The following CTNND2 variants were observed in gnomAD, a reference collection of about 807,000 sequenced individuals.
CTNND2 encodes catenin delta 2.
Under a neutral mutation model 144.4 loss-of-function variants are expected in CTNND2, and 22 were observed. The observed-to-expected ratio is 0.15, with a 90% CI of 0.11 to 0.22. CTNND2 has a LOEUF of 0.22. Among genes scored for constraint, CTNND2 ranks in the 10% least tolerant of loss-of-function variants. CTNND2 has a pLI of 1.00. For synonymous variants in CTNND2, 751 were observed against 695.6 expected, an observed-to-expected ratio of 1.08 and a Z score of -1.25; for missense variants, 1,353 against 1,618.8, an observed-to-expected ratio of 0.84 and a Z score of 2.82.
intron 10 of CTNND2, among the ~76,000 whole-genome samples, chr5:11,200,642 C>T (rs1737324976): frequency 6.6e-6 from 1 of 152,128 alleles, no homozygotes; most frequent in Non-Finnish European, 1.5e-5. Flanking sequence ...CACCTGGCTA[C>T]ATCCCCAGCC....
intron 10 of CTNND2, among the ~76,000 whole-genome samples, chr5:11,227,210 G>A (rs1740450905): frequency 6.6e-6 from 1 of 152,202 alleles, no homozygotes; most frequent in Admixed American, 6.5e-5. Context: ...TGCAGCACAT[G>A]CTAAAAATAA....
At chr5:11,304,341 CTT>C (rs1261272262) in intron 9 of CTNND2, among the ~76,000 whole-genome samples, 4 of 151,660 alleles carry the variant, frequency 2.6e-5, no homozygotes, top group Admixed American at 1.3e-4. Flanking sequence ...CACACACACT[CTT>C]TCTCTCTCTC....
chr5:11,123,366 A>T (rs12659510), intron 12 of CTNND2, among the ~76,000 whole-genome samples: 20,430 of 152,172 alleles, frequency 0.13, 2,242 homozygotes, highest in East Asian at 0.45. Flanking sequence ...CCTAACTAGG[A>T]TGACTGTGCC....
chr5:11,241,023 C>A (rs1276450558), intron 9 of CTNND2, among the ~76,000 whole-genome samples: 1 of 149,396 alleles, frequency 6.7e-6, no homozygotes, highest in African/African-American at 2.5e-5. Flanking sequence ...ACACCCAACA[C>A]ACACACCCAC....
chr5:11,365,528 T>C, intron 7 of CTNND2, among the ~76,000 whole-genome samples: 1 of 152,342 alleles, frequency 6.6e-6, no homozygotes, highest in East Asian at 1.9e-4. Context: ...AAGTTAGGAA[T>C]GATTGCCACT....
At chr5:11,295,563 C>T (rs530045540) in intron 9 of CTNND2, among the ~76,000 whole-genome samples, 57 of 152,276 alleles carry the variant, frequency 3.7e-4, no homozygotes, top group Middle Eastern at 3.4e-3. Context: ...GGAGGCATCA[C>T]GCTACCTGAC....
chr5:11,343,197 A>G (rs545928583), intron 9 of CTNND2, among the ~76,000 whole-genome samples: 3 of 152,350 alleles, frequency 2.0e-5, no homozygotes, highest in East Asian at 1.9e-4. Context: ...ATCCTTTTGT[A>G]TCCTATGACT....
intron 9 of CTNND2, among the ~76,000 whole-genome samples, chr5:11,274,786 GT>G (rs1746361537): frequency 6.6e-6 from 1 of 152,128 alleles, no homozygotes; most frequent in African/African-American, 2.4e-5. Flanking sequence ...GTTTATTGTT[GT>G]TATTGTTGTT....
chr5:11,711,685 T>C (rs1786043702), intron 2 of CTNND2, among the ~76,000 whole-genome samples: 1 of 152,242 alleles, frequency 6.6e-6, no homozygotes, highest in Non-Finnish European at 1.5e-5. Context: ...GGTTAAATAA[T>C]GTAACAAAAT....
chr5:11,129,279 T>TATATATATAAATATATATA (rs1561353780), intron 12 of CTNND2, among the ~76,000 whole-genome samples: 8 of 46,358 alleles, frequency 1.7e-4, no homozygotes, highest in African/African-American at 8.3e-4. Context: ...AAATATATAT[T>TATATATATAAATATATATA]ATATAAAAAT....
chr5:11,821,289 TTAAA>T (rs1358968553), intron 1 of CTNND2, among the ~76,000 whole-genome samples: 2 of 152,182 alleles, frequency 1.3e-5, no homozygotes, highest in Non-Finnish European at 2.9e-5. Flanking sequence ...ACTGAAGTAT[TTAAA>T]TGTGTAGTCT....
intron 2 of CTNND2, among the ~76,000 whole-genome samples, chr5:11,688,782 CT>C (rs1784770451): frequency 6.6e-6 from 1 of 152,040 alleles, no homozygotes; most frequent in South Asian, 2.1e-4. Flanking sequence ...GAGAGCATCC[CT>C]ATTAAAACGG....
chr5:11,488,989 G>A (rs1186246058), intron 3 of CTNND2, among the ~76,000 whole-genome samples: 1 of 152,036 alleles, frequency 6.6e-6, no homozygotes, highest in Non-Finnish European at 1.5e-5. Flanking sequence ...TTCCAGTTTT[G>A]GACTATCACA....
rs533332465 is a variant in CTNND2 at position 11,021,848 on chromosome 5, CAAGA to C, written c.2999+917_2999+920del. 4.9e-3 allele frequency among the ~76,000 whole-genome samples: 749 copies of C among 152,118 alleles called. 1 individual carries two copies. Among genetic ancestry groups the C allele is most frequent in the Non-Finnish European group, 8.0e-3 (542 of 67,978 alleles). On this transcript the variant is annotated intron_variant, in intron 17 of 21. Coordinates refer to ENST00000304623, the MANE Select transcript of CTNND2 (RefSeq NM_001332.4). The stretch of plus-strand genomic sequence containing the variant: ...GGTGGCTTGGCAGGGAATGAAAAGT[CAAGA>C]AATAGACTCTTGATAACAAAATGTT...
intron 9 of CTNND2, among the ~76,000 whole-genome samples, chr5:11,282,054 T>C (rs1747189289): frequency 6.6e-6 from 1 of 152,020 alleles, no homozygotes. Context: ...CCAGGCAGTA[T>C]AACATGAAGA....
intron 16 of CTNND2, among the ~76,000 whole-genome samples, chr5:11,049,012 A>G (rs1005212500): frequency 6.6e-6 from 1 of 152,236 alleles, no homozygotes; most frequent in African/African-American, 2.4e-5. Context: ...GTGACAACAA[A>G]AAATGTTTTC....
At chr5:11,362,262 C>A (rs1002189946) in intron 8 of CTNND2, among the ~76,000 whole-genome samples, 7 of 152,124 alleles carry the variant, frequency 4.6e-5, no homozygotes, top group African/African-American at 1.7e-4. Context: ...TCTTTGTAAT[C>A]TCCATTTTTA....
intron 1 of CTNND2, among the ~76,000 whole-genome samples, chr5:11,885,495 A>G (rs1736452921): frequency 6.6e-6 from 1 of 152,198 alleles, no homozygotes; most frequent in Non-Finnish European, 1.5e-5. Context: ...CAGCAAGAGG[A>G]TATAATAACT....
intron 21 of CTNND2, among the ~76,000 whole-genome samples, chr5:10,980,617 T>C (rs1203804546): frequency 6.6e-6 from 1 of 152,142 alleles, no homozygotes; most frequent in African/African-American, 2.4e-5. Context: ...TGTGGCACTC[T>C]ATTCACAATA....
Sources: allele counts gnomAD v4.1 joint callset (sites outside exome capture counted in the v4.1 genomes callset), GRCh38; gene constraint gnomAD v4.1.1; transcripts MANE v1.5; gene names NCBI Gene and HGNC (gene_info 2026-07-23, HGNC 2026-07-21).